POTEF: variants seen among roughly 807,000 people sequenced by gnomAD.
The protein encoded by POTEF is POTE ankyrin domain family member F.
POTEF carries 20 observed loss-of-function variants against 83.2 expected under a neutral mutation model. That is an observed-to-expected ratio of 0.24 (90% CI 0.17 to 0.35). The LOEUF (loss-of-function observed/expected upper bound fraction) is 0.35. POTEF is among the 10% of genes least tolerant of loss of function. The pLI is 1.00. For missense variants in POTEF, 550 were observed against 1,203.2 expected, an observed-to-expected ratio of 0.46 and a Z score of 8.03; for synonymous variants, 196 against 446.4, an observed-to-expected ratio of 0.44 and a Z score of 7.07.
intron 8 of POTEF, among the ~76,000 whole-genome samples, chr2:130,106,232 C>T (rs1408039341): frequency 1.3e-5 from 2 of 150,502 alleles, no homozygotes; most frequent in African/African-American, 5.0e-5. Context: ...ACTGTTTTAG[C>T]CACTGTTCAT....
intron 1 of POTEF, among the ~76,000 whole-genome samples, chr2:130,128,864 T>G: frequency 1.1e-5 from 1 of 91,924 alleles, no homozygotes; most frequent in Non-Finnish European, 2.1e-5. Flanking sequence ...GCACACAACC[T>G]GCCTCCCCCC....
rs1443811888 is a variant in POTEF, at chr2:130,101,703, T to C, written c.1197+407A>G. On this transcript the variant is annotated intron_variant, in intron 9 of 16. Coordinates refer to ENST00000409914, the MANE Select transcript of POTEF (RefSeq NM_001099771.2). The stretch of plus-strand genomic sequence containing the variant: ...ATAATTCTATTGCTTAATAACATAA[T>C]CCAATAATTGATGTACCTTCTTCAT... 1.8e-3 allele frequency among the ~76,000 whole-genome samples: 239 copies of C among 134,246 alleles called. 3 individuals carry two copies. The highest frequency in any genetic ancestry group is 7.1e-3 in the African/African-American group (231 of 32,604). The allele number at this position is 134,246 out of a possible 152,430, so 88.1% of individuals were successfully genotyped here.
chr2:130,110,314 G>T lies in POTEF; in HGVS notation c.1055+229C>A, dbSNP rs1236061483. On this transcript the variant is annotated intron_variant, in intron 7 of 16. Coordinates refer to ENST00000409914, the MANE Select transcript of POTEF (RefSeq NM_001099771.2). ...AAATGAACAATGCTGGGATCTCTAA[G>T]GATAAAGATCTTAAAAGTCCTGAGA... Among the ~76,000 whole-genome samples, 5 of 149,518 alleles carry T rather than the reference G, an allele frequency of 3.3e-5. No homozygotes were observed. The East Asian group carries it at 7.9e-4, about 24-fold the overall frequency.
intron 5 of POTEF, among the ~76,000 whole-genome samples, chr2:130,113,483 A>C (rs1684765499): frequency 7.3e-6 from 1 of 137,802 alleles, no homozygotes; most frequent in African/African-American, 2.7e-5. Context: ...AGTGGTTCTT[A>C]AGCAGGAGTG....
intron 16 of POTEF, among the ~76,000 whole-genome samples, chr2:130,075,861 T>G (rs1683786115): frequency 6.7e-6 from 1 of 150,130 alleles, no homozygotes; most frequent in African/African-American, 2.5e-5. Context: ...CACTAGAGGA[T>G]TTTTAAGAAT....
At position 130,075,373 on chromosome 2, in the gene POTEF, G is replaced by C. The variant is rs1449753382; in HGVS notation, c.2099C>G (p.Thr700Ser). 6.2e-7 allele frequency: 1 copy of C among 1,612,044 alleles called. No individual in the cohort carries two copies. Among genetic ancestry groups the C allele is most frequent in the African/African-American group, 1.3e-5 (1 of 74,740 alleles). The stretch of plus-strand genomic sequence containing the variant: ...GAGCACAGCGGTATCATCATCCATG[G>C]TGAGCTCATTCAATTGTAGAGCCTT... The part of the protein sequence containing the change: ...LLKALQLNEL[T>S]MDDDTAVLVI... Residue 700 changes from threonine (T) to serine (S), a missense_variant, in exon 17 of 17, where the codon ACC (threonine) becomes AGC (serine). Coordinates refer to ENST00000409914, the MANE Select transcript of POTEF (RefSeq NM_001099771.2).
At chr2:130,107,410 T>G (rs1443797433) in intron 8 of POTEF, among the ~76,000 whole-genome samples, 1 of 150,804 alleles carries the variant, frequency 6.6e-6, no homozygotes, top group African/African-American at 2.5e-5. Context: ...GATCAAAAAT[T>G]CCTTACTTTT....
At chr2:130,128,201 C>T (rs529649954) in intron 1 of POTEF, among the ~76,000 whole-genome samples, 38 of 149,086 alleles carry the variant, frequency 2.5e-4, no homozygotes, top group African/African-American at 8.3e-4. Context: ...TCCCACAGTC[C>T]CCCGCGATGC....
At chr2:130,108,960 T>C (rs1229718548) in intron 7 of POTEF, among the ~76,000 whole-genome samples, 1 of 151,556 alleles carries the variant, frequency 6.6e-6, no homozygotes, top group Non-Finnish European at 1.5e-5. Context: ...CTTTTATTTT[T>C]TTTTTAGTTT....
chr2:130,109,441 C>T (rs2443696), intron 7 of POTEF: 1 of 145,380 alleles, frequency 6.9e-6, no homozygotes, highest in Non-Finnish European at 1.5e-5. Context: ...TTGAAAATAT[C>T]TTAAAATCTT....
In POTEF at chr2:130,120,551, A is replaced by T. The variant is rs367743689; in HGVS notation, c.-36T>A. ...CAGCCAGGAGAAGCCAGTAGTAGCC[A>T]ACAGATCGCGTCTACCAACCAGTTT... On this transcript the variant is annotated 5_prime_UTR_variant, in exon 3 of 17. Coordinates refer to ENST00000409914, the MANE Select transcript of POTEF (RefSeq NM_001099771.2). The T allele has an allele frequency of 5.1e-5, 82 of 1,610,648 alleles. No homozygotes were observed. The African/African-American group carries it at 9.8e-4, about 19-fold the overall frequency.
chr2:130,108,189 C>G, intron 7 of POTEF, 110 bp from the exon 8 acceptor site: 1 of 1,461,732 alleles, frequency 6.8e-7, no homozygotes, highest in South Asian at 1.3e-5. Context: ...AATAACAGAA[C>G]TTAATAGTAT....
chr2:130,117,770 G>C (rs181217973), intron 3 of POTEF, among the ~76,000 whole-genome samples: 1 of 151,936 alleles, frequency 6.6e-6, no homozygotes, highest in African/African-American at 2.4e-5. Flanking sequence ...AGATATTTCA[G>C]TATAATGGAA....
chr2:130,105,268 T>A (rs1445230298), intron 8 of POTEF, among the ~76,000 whole-genome samples: 3 of 151,256 alleles, frequency 2.0e-5, no homozygotes, highest in Non-Finnish European at 2.9e-5. Flanking sequence ...ATAAAAAAAA[T>A]TAAGCAAAAC....
intron 8 of POTEF, among the ~76,000 whole-genome samples, chr2:130,105,215 T>C (rs1049735800): frequency 8.6e-5 from 13 of 150,408 alleles, no homozygotes; most frequent in African/African-American, 3.0e-4. Context: ...AAAATGGCTT[T>C]TATTTAAAAA....
chr2:130,102,447 C>G (rs2259694), intron 8 of POTEF, among the ~76,000 whole-genome samples: 44,674 of 91,620 alleles, frequency 0.49, 12,217 homozygotes, highest in Admixed American at 0.58. Context: ...GTAGAAGCAT[C>G]TAAGGTAACA....
rs1297974758 is a variant in POTEF, at chr2:130,120,587, C to G, written c.-72G>C. The G allele has an allele frequency of 1.2e-6, 2 of 1,601,702 alleles. No homozygotes were observed. The highest frequency in any genetic ancestry group is 1.7e-6 in the Non-Finnish European group (2 of 1,173,704). ...TCTACCAACCAGTTTCACCAACTAG[C>G]AGGTAACTCCGGGTTTCCAATCTGT... On this transcript the variant is annotated 5_prime_UTR_variant, in exon 3 of 17. Transcript: ENST00000409914.
chr2:130,116,110 T>A (rs1007712782), intron 3 of POTEF, among the ~76,000 whole-genome samples: 7 of 152,086 alleles, frequency 4.6e-5, no homozygotes, highest in African/African-American at 1.7e-4. Flanking sequence ...ATAAGAAAGC[T>A]GAGGTGAAAA....
In POTEF at chr2:130,075,588, G is replaced by A. The variant is rs760978474; in HGVS notation, c.1900-16C>T. On this transcript the variant is annotated splice_polypyrimidine_tract_variant and intron_variant, in intron 16 of 16. Coordinates refer to ENST00000409914, the MANE Select transcript of POTEF (RefSeq NM_001099771.2). ...TAAGAGAAAGCTAAGTAAACAAAGA[G>A]AACTTTTAGTTAGCACTCAATAGAT... The A allele has an allele frequency of 1.9e-6, 3 of 1,604,924 alleles. No individual in the cohort carries two copies. Among genetic ancestry groups the A allele is most frequent in the African/African-American group, 1.4e-5 (1 of 73,882 alleles).
Sources: gnomAD v4.1 joint callset for allele counts (sites outside exome capture counted in the v4.1 genomes callset) on GRCh38, gnomAD v4.1.1 for gene constraint, MANE v1.5 for transcripts, NCBI Gene and HGNC (gene_info 2026-07-23, HGNC 2026-07-21) for gene names.